PTPRM: variants seen among roughly 807,000 people sequenced by gnomAD.
PTPRM encodes the protein receptor-type tyrosine-protein phosphatase mu.
A neutral mutation model predicts 186.7 loss-of-function variants in PTPRM; 47 were observed. The observed-to-expected ratio is 0.25, with a 90% CI of 0.20 to 0.32. PTPRM has a LOEUF of 0.32. Ranked by LOEUF, PTPRM falls within the 10% of genes least tolerant of loss-of-function variation. The probability of loss-of-function intolerance (pLI) is 1.00; values close to 1 mark genes in which losing one functional copy is unlikely to be tolerated. For missense variants in PTPRM, 1,494 were observed against 1,865.0 expected, an observed-to-expected ratio of 0.80 and a Z score of 3.66; for synonymous variants, 668 against 674.9, an observed-to-expected ratio of 0.99 and a Z score of 0.16.
At chr18:7,753,489 G>T (rs368074731) in intron 1 of PTPRM, among the ~76,000 whole-genome samples, 2 of 151,976 alleles carry the variant, frequency 1.3e-5, no homozygotes, top group African/African-American at 4.8e-5. Context: ...TTTCTTTCTC[G>T]AAGCCTTAGT....
intron 14 of PTPRM, among the ~76,000 whole-genome samples, chr18:8,145,751 G>C (rs371370497): frequency 6.6e-6 from 1 of 152,124 alleles, no homozygotes; most frequent in Non-Finnish European, 1.5e-5. Flanking sequence ...ATTTAGGTTG[G>C]TTCCAAGTCT....
At position 7,976,708 on chromosome 18, in the gene PTPRM, G is replaced by C. The variant is rs545885055; in HGVS notation, c.1132+21294G>C. On this transcript the variant is annotated intron_variant, in intron 7 of 32. Coordinates refer to ENST00000580170, the MANE Select transcript of PTPRM (RefSeq NM_001105244.2). ...GACTAAATCACTGAACAAAATCAAG[G>C]GTTTGGGGAACTACTGGAAAGGAAG... 3.9e-5 allele frequency among the ~76,000 whole-genome samples: 6 copies of C among 152,226 alleles called. No homozygotes were observed. In the South Asian group the frequency reaches 8.3e-4, roughly 21 times the overall value.
At chr18:7,612,886 G>A (rs1004285988) in intron 1 of PTPRM, among the ~76,000 whole-genome samples, 2 of 152,276 alleles carry the variant, frequency 1.3e-5, no homozygotes, top group South Asian at 2.1e-4. Flanking sequence ...AGCTCCCATC[G>A]AGTAGAAGGG....
intron 2 of PTPRM, among the ~76,000 whole-genome samples, chr18:7,849,065 G>C (rs1394189215): frequency 1.3e-5 from 2 of 151,948 alleles, no homozygotes; most frequent in African/African-American, 4.8e-5. Context: ...AGCAAATTTG[G>C]CTTGATCTGA....
intron 1 of PTPRM, among the ~76,000 whole-genome samples, chr18:7,727,253 T>A (rs1221035459): frequency 6.6e-6 from 1 of 152,202 alleles, no homozygotes; most frequent in Non-Finnish European, 1.5e-5. Flanking sequence ...TCTAATTTTG[T>A]GATCTAAGGA....
intron 14 of PTPRM, among the ~76,000 whole-genome samples, chr18:8,177,176 T>C (rs574975351): frequency 1.7e-3 from 260 of 152,340 alleles, no homozygotes; most frequent in African/African-American, 6.2e-3. Flanking sequence ...ATGAGAAGCA[T>C]ATTCTTAGAA....
At chr18:7,677,048 C>T (rs1205795953) in intron 1 of PTPRM, among the ~76,000 whole-genome samples, 1 of 152,108 alleles carries the variant, frequency 6.6e-6, no homozygotes, top group African/African-American at 2.4e-5. Context: ...TTTTTTAGAG[C>T]TGACACTTTG....
At chr18:8,161,996 T>A (rs1166175412) in intron 14 of PTPRM, among the ~76,000 whole-genome samples, 1 of 152,216 alleles carries the variant, frequency 6.6e-6, no homozygotes, top group Non-Finnish European at 1.5e-5. Context: ...TATTTCTTGC[T>A]AATCCAAGCT....
intron 1 of PTPRM, among the ~76,000 whole-genome samples, chr18:7,693,577 C>T (rs2039780393): frequency 6.6e-6 from 1 of 152,202 alleles, no homozygotes; most frequent in Non-Finnish European, 1.5e-5. Context: ...GATGTATTGA[C>T]TACCTACCAT....
At chr18:7,667,598 G>A (rs1954176911) in intron 1 of PTPRM, among the ~76,000 whole-genome samples, 1 of 152,206 alleles carries the variant, frequency 6.6e-6, no homozygotes, top group Admixed American at 6.5e-5. Context: ...AGAAAAAAGG[G>A]AGTTTGGCTT....
In PTPRM at chr18:7,568,006, G is replaced by C; in HGVS notation, c.73+115G>C. ...AGGCTGGCGTCGGGGCCGGGCGGGG[G>C]GCGCGGCGGGCCGGACACCGCTTCT... On this transcript the variant is annotated intron_variant, in intron 1 of 32. Coordinates refer to ENST00000580170, the MANE Select transcript of PTPRM (RefSeq NM_001105244.2). The surrounding 1 kb of genome is among the most constrained non-coding windows in gnomAD (Gnocchi z 5.1). The C allele has an allele frequency of 3.9e-6, 4 of 1,012,994 alleles. No homozygotes were observed. The highest frequency in any genetic ancestry group is 5.2e-6 in the Non-Finnish European group (4 of 769,696). The allele number at this position is 1,012,994 out of a possible 1,614,324, so 62.8% of individuals were successfully genotyped here.
At chr18:8,054,146 TA>T (rs1568258496) in intron 7 of PTPRM, among the ~76,000 whole-genome samples, 1 of 151,782 alleles carries the variant, frequency 6.6e-6, no homozygotes, top group Non-Finnish European at 1.5e-5. Context: ...GAAAATGTTA[TA>T]GTGAAACAGC....
At chr18:8,231,017 G>A (rs2094279996) in intron 14 of PTPRM, among the ~76,000 whole-genome samples, 1 of 152,286 alleles carries the variant, frequency 6.6e-6, no homozygotes, top group South Asian at 2.1e-4. Context: ...ACACGTAATT[G>A]TAGATGCCAG....
At chr18:7,684,192 C>A (rs763031212) in intron 1 of PTPRM, among the ~76,000 whole-genome samples, 14 of 151,682 alleles carry the variant, frequency 9.2e-5, no homozygotes, top group Non-Finnish European at 1.9e-4. Flanking sequence ...CCTAGCTATT[C>A]GGGAGACTGA....
intron 2 of PTPRM, among the ~76,000 whole-genome samples, chr18:7,852,013 A>G (rs1429202795): frequency 6.6e-6 from 1 of 152,208 alleles, no homozygotes; most frequent in African/African-American, 2.4e-5. Context: ...CAGCAATCAC[A>G]AAAAGAATAG....
At chr18:8,130,438 T>G (rs1019450238) in intron 13 of PTPRM, among the ~76,000 whole-genome samples, 1 of 152,156 alleles carries the variant, frequency 6.6e-6, no homozygotes, top group African/African-American at 2.4e-5. Flanking sequence ...TGCAAAAACG[T>G]TTTTGTCAAA....
chr18:8,275,273 CA>C (rs1157634211), intron 19 of PTPRM, among the ~76,000 whole-genome samples: 1 of 151,238 alleles, frequency 6.6e-6, no homozygotes, highest in Non-Finnish European at 1.5e-5. Context: ...ACCCCGTCTC[CA>C]AAAAAAAGAA....
chr18:8,215,414 C>T (rs1360699585), intron 14 of PTPRM, among the ~76,000 whole-genome samples: 2 of 151,892 alleles, frequency 1.3e-5, no homozygotes, highest in Non-Finnish European at 2.9e-5. Flanking sequence ...GCCTATTTTC[C>T]CATGTGTCTG....
intron 7 of PTPRM, among the ~76,000 whole-genome samples, chr18:8,044,888 C>T (rs947844992): frequency 6.6e-6 from 1 of 151,924 alleles, no homozygotes; most frequent in Non-Finnish European, 1.5e-5. Flanking sequence ...AAAATTGAAT[C>T]CCTCGTATAT....
Sources: allele counts gnomAD v4.1 joint callset (sites outside exome capture counted in the v4.1 genomes callset), GRCh38; gene constraint gnomAD v4.1.1; non-coding constraint Gnocchi (gnomAD v3.1); transcripts MANE v1.5; gene names NCBI Gene and HGNC (gene_info 2026-07-23, HGNC 2026-07-21).